The following RNF213 variants were observed in gnomAD, a reference collection of about 807,000 sequenced individuals.
The protein encoded by RNF213 is E3 ubiquitin-protein ligase RNF213.
RNF213 carries 341 observed loss-of-function variants against 514.4 expected under a neutral mutation model. That is an observed-to-expected ratio of 0.66 (90% CI 0.61 to 0.73). The LOEUF (loss-of-function observed/expected upper bound fraction) is 0.73, where lower values mean the gene tolerates loss of function less well. Among genes scored for constraint, RNF213 ranks in the 30% least tolerant of loss-of-function variants. RNF213 has a pLI of 0.00. For missense variants in RNF213, 5,767 were observed against 6,615.6 expected (o/e 0.87, Z 4.45); for synonymous variants, 2,655 against 2,658.2 (o/e 1.00, Z 0.04).
intron 14 of RNF213, among the ~76,000 whole-genome samples, chr17:80,310,622 G>A (rs556396268): frequency 4.7e-5 from 7 of 147,472 alleles, no homozygotes; most frequent in South Asian, 2.2e-4. Context: ...GCGTGATCTC[G>A]GCTCACCACA....
intron 36 of RNF213, 68 bp from the exon 37 acceptor site, chr17:80,358,220 C>CA: frequency 7.1e-7 from 1 of 1,409,622 alleles, no homozygotes; most frequent in South Asian, 1.2e-5. Context: ...AACAAAATGT[C>CA]AAAAGGTGGC....
intron 18 of RNF213, among the ~76,000 whole-genome samples, chr17:80,327,372 C>T (rs977981828): frequency 2.0e-5 from 3 of 151,952 alleles, no homozygotes; most frequent in Non-Finnish European, 2.9e-5. Flanking sequence ...TGGTGCTGTG[C>T]ACCTGTGTTC....
At chr17:80,293,786 C>T (rs2044830702) in intron 8 of RNF213, among the ~76,000 whole-genome samples, 1 of 151,844 alleles carries the variant, frequency 6.6e-6, no homozygotes, top group African/African-American at 2.4e-5. Context: ...AAGATCGTGC[C>T]ACTGCACTCC....
rs775062705 is a variant in RNF213 at position 80,263,744 on chromosome 17, C to T, written c.63C>T (p.Cys21=). The T allele has an allele frequency of 1.2e-5, 19 of 1,613,950 alleles. No homozygotes were observed. Among genetic ancestry groups the T allele is most frequent in the South Asian group, 3.3e-5 (3 of 91,086 alleles). The change falls in exon 2 of 68, where the codon TGC becomes TGT. Residue 21 remains cysteine (C), a synonymous_variant. Transcript: ENST00000582970. This position sits in a 1 kb window ranked among gnomAD's most constrained non-coding sequence, Gnocchi z 4.9. The part of the protein sequence containing the change: ...KEETPKFCSQ[C]GERLPPAAPI... Reference sequence around the variant, plus strand: ...AAACCCCCAAGTTCTGCAGCCAGTGCGGAGAGAGGCTGCCTCCTGCAGCCC... The same window carrying T: ...AAACCCCCAAGTTCTGCAGCCAGTGTGGAGAGAGGCTGCCTCCTGCAGCCC...
chr17:80,353,630 G>C lies in RNF213; in HGVS notation c.10542G>C (p.Lys3514Asn). 3 of 1,614,216 alleles carry C rather than the reference G, an allele frequency of 1.9e-6. No individual in the cohort carries two copies. Among genetic ancestry groups the C allele is most frequent in the African/African-American group, 1.3e-5 (1 of 75,044 alleles). Residue 3514 changes from lysine (K) to asparagine (N), a missense_variant, in exon 34 of 68, where the codon AAG becomes AAC. By Grantham distance (94) the Lys-to-Asn change is moderately conservative. Transcript: ENST00000582970. The surrounding 1 kb of genome is among the most constrained non-coding windows in gnomAD (Gnocchi z 5.0). ...EEAMETESSE[K>N]VGKETSELGG... ...CCATGGAAACAGAAAGTTCTGAGAA[G>C]GTGGGAAAGGAAACCTCTGAACTCG...
At chr17:80,277,639 C>T (rs1368020354) in intron 3 of RNF213, among the ~76,000 whole-genome samples, 4 of 148,158 alleles carry the variant, frequency 2.7e-5, no homozygotes, top group African/African-American at 7.4e-5. Context: ...CACATATCCA[C>T]ACATGAGAGA....
chr17:80,325,181 A>G lies in RNF213; in HGVS notation c.3176A>G (p.His1059Arg), dbSNP rs2046246968. ...KHLLTLADVK[H>R]VFRLCGTDEK... ...CTGCTCACGTTGGCAGATGTCAAGC[A>G]CGTCTTCAGATTGTGTGGTATGTTT... The change falls in exon 18 of 68, where the codon CAC becomes CGC. Residue 1059 changes from histidine (H) to arginine (R), a missense_variant. Physicochemically the swap from His to Arg is conservative, Grantham distance 29. Around this residue, in one of 13 missense-constraint regions of RNF213, gnomAD observed 516 missense variants for 566.5 expected, o/e 0.91. Coordinates refer to ENST00000582970, the MANE Select transcript of RNF213 (RefSeq NM_001256071.3). The G allele has an allele frequency of 1.0e-5, 16 of 1,534,600 alleles. No homozygotes were observed. Among genetic ancestry groups the G allele is most frequent in the African/African-American group, 1.4e-5 (1 of 73,000 alleles).
chr17:80,386,167 C>G, intron 61 of RNF213, 83 bp from the exon 62 acceptor site: 1 of 1,365,402 alleles, frequency 7.3e-7, no homozygotes, highest in South Asian at 1.2e-5. Flanking sequence ...GAGCTGATGG[C>G]TTCTGCATCC....
Position 80,288,656 on chromosome 17 carries a change from A to G in RNF213, c.834A>G (p.Pro278=). Reference sequence around the variant, plus strand: ...AGGCAGTTGATGCTGTAGCTGAGCCAGCCAATGCAGTTAAAGGGGCCGGGA... The same window carrying G: ...AGGCAGTTGATGCTGTAGCTGAGCCGGCCAATGCAGTTAAAGGGGCCGGGA... ...ASMAVDAVAE[P]ANAVKGAGKE... is the part of the protein sequence containing the mutation. The change falls in exon 5 of 68, where the codon CCA becomes CCG. Residue 278 remains proline, a synonymous_variant. Transcript: ENST00000582970. The surrounding 1 kb of genome is among the most constrained non-coding windows in gnomAD (Gnocchi z 4.9). 1 of 1,614,198 alleles carries G rather than the reference A, an allele frequency of 6.2e-7. No homozygotes were observed. Among genetic ancestry groups the G allele is most frequent in the Non-Finnish European group, 8.5e-7 (1 of 1,180,042 alleles).
intron 3 of RNF213, among the ~76,000 whole-genome samples, chr17:80,285,929 G>C (rs2044457344): frequency 6.6e-6 from 1 of 152,080 alleles, no homozygotes; most frequent in South Asian, 2.1e-4. Flanking sequence ...GCCTGCCTCG[G>C]CCTCCCAAAG....
chr17:80,289,615 G>T (rs759442148), intron 5 of RNF213, 44 bp from the exon 6 acceptor site: 62 of 1,504,672 alleles, frequency 4.1e-5, no homozygotes, highest in Non-Finnish European at 5.4e-5. Context: ...AAAAGAAAAT[G>T]TGGAGGCCGG....
rs565353320 is a variant in RNF213, at chr17:80,288,983, C to G, written c.933+228C>G. ...GGAGAGAGGGCACCCAGGTGGGCCCCGAGGTACCATGGCACCCACAGCCCG... is the reference window on the plus strand; with the variant it reads ...GGAGAGAGGGCACCCAGGTGGGCCCGGAGGTACCATGGCACCCACAGCCCG... On this transcript the variant is annotated intron_variant, in intron 5 of 67. Coordinates refer to ENST00000582970, the MANE Select transcript of RNF213 (RefSeq NM_001256071.3). This position sits in a 1 kb window ranked among gnomAD's most constrained non-coding sequence, Gnocchi z 4.9. Among the ~76,000 whole-genome samples, 23 of 152,190 alleles carry G rather than the reference C, an allele frequency of 1.5e-4. No homozygotes were observed. The South Asian group carries it at 4.4e-3, about 29-fold the overall frequency.
chr17:80,316,769 C>T (rs35429770), intron 15 of RNF213: 214 of 319,634 alleles, frequency 6.7e-4, no homozygotes, highest in Non-Finnish European at 1.2e-3. Context: ...GTGCAGAGTC[C>T]GAAGAGGGAG....
At chr17:80,294,618 C>T (rs994224214) in intron 8 of RNF213, 102 bp from the exon 9 acceptor site, 1 of 1,401,890 alleles carries the variant, frequency 7.1e-7, no homozygotes, top group African/African-American at 1.4e-5. Context: ...GCCCCATTTA[C>T]TCCATATCTG....
Position 80,385,153 on chromosome 17 carries a change from C to G in RNF213, c.14437C>G (p.Leu4813Val). The G allele has an allele frequency of 6.2e-7, 1 of 1,614,168 alleles. No homozygotes were observed. Among genetic ancestry groups the G allele is most frequent in the Non-Finnish European group, 8.5e-7 (1 of 1,180,032 alleles). Residue 4813 changes from leucine to valine, a missense_variant, in exon 60 of 68, where the codon CTC (leucine) becomes GTC (valine). Physicochemically the swap from Leu to Val is conservative, Grantham distance 32. This residue lies in a region of RNF213 where 1,245 missense variants were observed against 1,339.0 expected (regional missense o/e 0.93). Coordinates refer to ENST00000582970, the MANE Select transcript of RNF213 (RefSeq NM_001256071.3). The part of the protein sequence containing the change: ...QVEYSSIRGF[L>V]SKHSSDGLRQ... ...TGAATACAGCTCCATCAGAGGCTTC[C>G]TCAGCAAGCACAGCTCAGGTGTGGC... is the stretch of plus-strand genomic sequence containing the variant.
rs1428826980 is a variant in RNF213, at chr17:80,395,444, C to T, written c.*1946C>T. The T allele has an allele frequency of 1.3e-5, 2 of 152,240 alleles. No homozygotes were observed. Among genetic ancestry groups the T allele is most frequent in the Non-Finnish European group, 2.9e-5 (2 of 68,052 alleles). The allele number at this position is 152,240 out of a possible 1,614,324, so 9.4% of individuals were successfully genotyped here. A position where few individuals can be genotyped will look rare whatever the true frequency, so the allele number is the denominator to read the frequency against. ...AAGTAGTGTGTTCAGACTGTGCACACAGAAAACAGGCTCTGCCTTCACATG... is the reference window on the plus strand; with the variant it reads ...AAGTAGTGTGTTCAGACTGTGCACATAGAAAACAGGCTCTGCCTTCACATG... On this transcript the variant is annotated 3_prime_UTR_variant, in exon 68 of 68. Coordinates refer to ENST00000582970, the MANE Select transcript of RNF213 (RefSeq NM_001256071.3).
intron 3 of RNF213, among the ~76,000 whole-genome samples, chr17:80,286,746 C>G (rs1480958544): frequency 1.3e-5 from 2 of 152,098 alleles, no homozygotes; most frequent in African/African-American, 4.8e-5. Flanking sequence ...GCCCTCATCA[C>G]ACACCACCAG....
At chr17:80,297,508 C>T (rs1013907973) in intron 10 of RNF213, among the ~76,000 whole-genome samples, 8 of 150,876 alleles carry the variant, frequency 5.3e-5, no homozygotes, top group Non-Finnish European at 8.8e-5. Context: ...AATCCCAGTG[C>T]TTTGGGAGGC....
Position 80,393,378 on chromosome 17 carries a change from TAAAG to T in RNF213, c.15509_15512del (p.Glu5170ValfsTer30), listed in dbSNP as rs768522941. 1.2e-6 allele frequency: 2 copies of T among 1,614,190 alleles called. No homozygotes were observed. The highest frequency in any genetic ancestry group is 1.1e-5 in the South Asian group (1 of 91,080). On this transcript the variant is annotated frameshift_variant, in exon 68 of 68. Transcript: ENST00000582970. LOFTEE classifies it low-confidence loss of function (END_TRUNC). The stretch of plus-strand genomic sequence containing the variant: ...ACACTCTCGTAAGTTACATGCAAAC[TAAAG>T]AAAGTGAAATTCTTCCTGAAATGGC...
Sources: gnomAD v4.1 joint callset for allele counts (sites outside exome capture counted in the v4.1 genomes callset) on GRCh38, gnomAD v4.1.1 for gene constraint, gnomAD v4.1.1 regional missense constraint, Gnocchi (gnomAD v3.1) non-coding constraint, MANE v1.5 for transcripts, NCBI Gene and HGNC (gene_info 2026-07-23, HGNC 2026-07-21) for gene names.